The following CPSF6 variants were observed in gnomAD, a reference collection of about 807,000 sequenced individuals.
CPSF6 encodes the protein cleavage and polyadenylation specificity factor subunit 6.
CPSF6 carries 10 observed loss-of-function variants against 56.7 expected under a neutral mutation model. The observed-to-expected ratio is 0.18, with a 90% CI of 0.11 to 0.30. The LOEUF (loss-of-function observed/expected upper bound fraction) is 0.30. Ranked by LOEUF, CPSF6 falls within the 10% of genes least tolerant of loss-of-function variation. CPSF6 has a pLI of 1.00. For missense variants in CPSF6, 419 were observed against 722.9 expected, an observed-to-expected ratio of 0.58 and a Z score of 4.82; for synonymous variants, 248 against 244.8, an observed-to-expected ratio of 1.01 and a Z score of -0.12.
At chr12:69,239,841 A>G in intron 1 of CPSF6, 135 bp downstream of exon 1, 1 of 716,064 alleles carries the variant, frequency 1.4e-6, no homozygotes, top group Non-Finnish European at 1.9e-6. Context: ...CGCGCCGCCG[A>G]CCCCTGGCGT....
chr12:69,262,288 C>CT, intron 8 of CPSF6, 85 bp from the exon 9 acceptor site: 1 of 1,419,802 alleles, frequency 7.0e-7, no homozygotes, highest in South Asian at 1.8e-5. Flanking sequence ...TTTTTGCTGC[C>CT]TAAGTTTTTT....
In CPSF6 at chr12:69,258,270, C is replaced by A. The variant is rs1872592289; in HGVS notation, c.695-320C>A. 3.0e-6 allele frequency: 2 copies of A among 673,890 alleles called. No homozygotes were observed. Among genetic ancestry groups the A allele is most frequent in the Non-Finnish European group, 5.0e-6 (2 of 404,022 alleles). 41.7% of individuals were successfully genotyped at this position (673,890 alleles called of 1,614,324 possible). ...CTTGTTTCACTTTCTAGCTTGGCATCAGAGTAGAATATAAGGTGGGTGATT... is the reference window on the plus strand; with the variant it reads ...CTTGTTTCACTTTCTAGCTTGGCATAAGAGTAGAATATAAGGTGGGTGATT... On this transcript the variant is annotated intron_variant, in intron 5 of 9. Coordinates refer to ENST00000435070, the MANE Select transcript of CPSF6 (RefSeq NM_007007.3). The surrounding 1 kb of genome is among the most constrained non-coding windows in gnomAD (Gnocchi z 4.2).
chr12:69,257,874 A>G lies in CPSF6; in HGVS notation c.663A>G (p.Ala221=), dbSNP rs1872577507. Residue 221 remains alanine, a synonymous_variant, in exon 5 of 10, where the codon GCA becomes GCG. Transcript: ENST00000435070. The part of the protein sequence containing the change: ...VPGGDRFPGP[A]GPGGPPPPFP... ...GTGGGGACAGATTTCCTGGGCCAGC[A>G]GGACCAGGAGGGCCACCCCCACCTT... 1.2e-6 allele frequency: 2 copies of G among 1,600,512 alleles called. No homozygotes were observed. Among genetic ancestry groups the G allele is most frequent in the African/African-American group, 1.4e-5 (1 of 73,818 alleles).
At position 69,274,287 on chromosome 12, in the gene CPSF6, C is replaced by G. The variant is rs973672359; in HGVS notation, c.*4779C>G. On this transcript the variant is annotated 3_prime_UTR_variant, in exon 10 of 10. Transcript: ENST00000435070. The stretch of plus-strand genomic sequence containing the variant: ...CGGCAGTTTGATATATGGCCATTGT[C>G]GGCCTTAAACTGCACTAGTAACAAG... 1 of 151,698 alleles carries G rather than the reference C, an allele frequency of 6.6e-6. No homozygotes were observed. Among genetic ancestry groups the G allele is most frequent in the South Asian group, 2.1e-4 (1 of 4,822 alleles). 9.4% of individuals were successfully genotyped at this position (151,698 alleles called of 1,614,324 possible). A position where few individuals can be genotyped will look rare whatever the true frequency, so the allele number is the denominator to read the frequency against.
chr12:69,260,220 C>A, intron 8 of CPSF6, 23 bp downstream of exon 8: 1 of 1,504,566 alleles, frequency 6.6e-7, no homozygotes, highest in East Asian at 2.5e-5. Context: ...TGTCTCATTT[C>A]CATTTAAAAA....
chr12:69,244,444 G>T (rs1437884553), intron 1 of CPSF6, among the ~76,000 whole-genome samples: 1 of 151,974 alleles, frequency 6.6e-6, no homozygotes, highest in Non-Finnish European at 1.5e-5. Flanking sequence ...GGCTGGTCTC[G>T]AACTCGTGAC....
intron 7 of CPSF6, among the ~76,000 whole-genome samples, chr12:69,259,804 A>G (rs1258128046): frequency 6.6e-6 from 1 of 152,158 alleles, no homozygotes; most frequent in African/African-American, 2.4e-5. Context: ...ATGACACCTT[A>G]TTTATTCTTA....
intron 3 of CPSF6, among the ~76,000 whole-genome samples, chr12:69,253,678 A>AAAATAAAT (rs918934549): frequency 6.6e-6 from 1 of 152,094 alleles, no homozygotes; most frequent in African/African-American, 2.4e-5. Context: ...CTTTTTCCTA[A>AAAATAAAT]AAATAAATAA....
chr12:69,250,608 GAAAA>G (rs61008772), intron 1 of CPSF6, among the ~76,000 whole-genome samples: 56,581 of 132,690 alleles, frequency 0.43, 11,862 homozygotes, highest in African/African-American at 0.44. Flanking sequence ...AAAAAAAAAA[GAAAA>G]AAAAGAAAAG....
rs921166371 is a variant in CPSF6, at chr12:69,273,071, T to A, written c.*3563T>A. On this transcript the variant is annotated 3_prime_UTR_variant, in exon 10 of 10. Coordinates refer to ENST00000435070, the MANE Select transcript of CPSF6 (RefSeq NM_007007.3). ...TTCCTTGTGTTCGTAATGTGAGATT[T>A]TTGATTTAGATAAATCAAGATTCAG... The A allele has an allele frequency of 1.5e-5, 5 of 324,828 alleles. No homozygotes were observed. The highest frequency in any genetic ancestry group is 7.1e-5 in the Admixed American group (2 of 28,204). The allele number at this position is 324,828 out of a possible 1,614,324, so 20.1% of individuals were successfully genotyped here.
chr12:69,257,184 T>C (rs1390299552), intron 4 of CPSF6, among the ~76,000 whole-genome samples: 1 of 152,264 alleles, frequency 6.6e-6, no homozygotes, highest in Non-Finnish European at 1.5e-5. Flanking sequence ...ATGTGTATTA[T>C]GGTGGGGGAG....
intron 8 of CPSF6, 133 bp downstream of exon 8, chr12:69,260,330 T>TTA (rs1872691763): frequency 1.2e-5 from 8 of 665,030 alleles, no homozygotes; most frequent in South Asian, 6.2e-5. Context: ...TTTTTTTTTT[T>TTA]AACTCTAAAT....
intron 1 of CPSF6, among the ~76,000 whole-genome samples, chr12:69,246,676 C>G (rs1871926181): frequency 6.6e-6 from 1 of 152,118 alleles, no homozygotes; most frequent in African/African-American, 2.4e-5. Flanking sequence ...TATTTCTTTT[C>G]CGAGGTATAG....
chr12:69,245,234 CAGT>C (rs1871836766), intron 1 of CPSF6, among the ~76,000 whole-genome samples: 1 of 151,746 alleles, frequency 6.6e-6, no homozygotes. Flanking sequence ...ACTGAGAGCA[CAGT>C]AGGTTTGTTC....
intron 2 of CPSF6, 97 bp from the exon 3 acceptor site, chr12:69,252,954 C>A: frequency 1.4e-6 from 1 of 707,944 alleles, no homozygotes; most frequent in Non-Finnish European, 2.3e-6. Context: ...CATTTATTTT[C>A]TCTTTTATGT....
At chr12:69,265,777 G>A (rs1375982900) in intron 9 of CPSF6, among the ~76,000 whole-genome samples, 1 of 151,376 alleles carries the variant, frequency 6.6e-6, no homozygotes, top group Non-Finnish European at 1.5e-5. Flanking sequence ...TAATTTTGTA[G>A]TTTTAGTAGA....
intron 9 of CPSF6, among the ~76,000 whole-genome samples, chr12:69,262,965 TG>T (rs1460047749): frequency 1.3e-5 from 2 of 152,110 alleles, no homozygotes; most frequent in Non-Finnish European, 2.9e-5. Context: ...TAAAAATAAA[TG>T]GAAAGTTACT....
chr12:69,257,420 T>C (rs915390403), intron 4 of CPSF6, among the ~76,000 whole-genome samples: 1 of 152,230 alleles, frequency 6.6e-6, no homozygotes, highest in Non-Finnish European at 1.5e-5. Flanking sequence ...TTACAAAATT[T>C]AAATGATGTA....
At chr12:69,256,592 CTGT>C in intron 3 of CPSF6, 102 bp from the exon 4 acceptor site, 2 of 1,141,026 alleles carry the variant, frequency 1.8e-6, no homozygotes, top group Non-Finnish European at 2.5e-6. Flanking sequence ...CTGTGCCCAG[CTGT>C]TGTTTTAGAT....
Sources: allele counts gnomAD v4.1 joint callset (sites outside exome capture counted in the v4.1 genomes callset), GRCh38; gene constraint gnomAD v4.1.1; non-coding constraint Gnocchi (gnomAD v3.1); transcripts MANE v1.5; gene names NCBI Gene and HGNC (gene_info 2026-07-23, HGNC 2026-07-21).